The following EPG5 variants were observed in gnomAD, a reference collection of about 807,000 sequenced individuals.
EPG5 encodes ectopic P granules protein 5 homolog.
EPG5 carries 159 observed loss-of-function variants against 302.7 expected under a neutral mutation model. The observed-to-expected ratio is 0.53, with a 90% confidence interval of 0.46 to 0.60. The LOEUF (loss-of-function observed/expected upper bound fraction) is 0.60, where lower values mean the gene tolerates loss of function less well. EPG5 is among the 20% of genes least tolerant of loss of function. The pLI is 0.00. For synonymous variants in EPG5, 1,158 were observed against 1,136.8 expected, an observed-to-expected ratio of 1.02 and a Z score of -0.37; for missense variants, 2,896 against 3,092.4, an observed-to-expected ratio of 0.94 and a Z score of 1.51.
intron 39 of EPG5, among the ~76,000 whole-genome samples, chr18:45,863,728 C>A (rs1484925823): frequency 6.6e-6 from 1 of 152,202 alleles, no homozygotes. Context: ...CACTGTCTTA[C>A]AGATTCTTTT....
intron 17 of EPG5, among the ~76,000 whole-genome samples, chr18:45,917,009 A>C (rs939299880): frequency 1.3e-5 from 2 of 152,206 alleles, no homozygotes; most frequent in Non-Finnish European, 2.9e-5. Flanking sequence ...ATTTCTACTA[A>C]AGTAACATCT....
chr18:45,934,571 A>G (rs2050475015), intron 11 of EPG5, among the ~76,000 whole-genome samples: 1 of 152,264 alleles, frequency 6.6e-6, no homozygotes, highest in African/African-American at 2.4e-5. Flanking sequence ...CCTAAAAGTT[A>G]GAATATTGTG....
At chr18:45,915,016 C>T (rs1003376028) in intron 20 of EPG5, among the ~76,000 whole-genome samples, 3 of 150,468 alleles carry the variant, frequency 2.0e-5, no homozygotes, top group Non-Finnish European at 2.9e-5. Flanking sequence ...CGGTGGCTCA[C>T]ACCTGTAATC....
At chr18:45,839,346 T>C in the EPG5 span, among the ~76,000 whole-genome samples, 2 of 152,170 alleles carry the variant, frequency 1.3e-5, no homozygotes, top group Admixed American at 6.5e-5. Flanking sequence ...CACAGAGATA[T>C]AGAGACCCAG....
At chr18:45,875,891 C>A (rs1384729702) in intron 35 of EPG5, among the ~76,000 whole-genome samples, 1 of 152,014 alleles carries the variant, frequency 6.6e-6, no homozygotes, top group African/African-American at 2.4e-5. Flanking sequence ...CCCGTCTCTA[C>A]TAAAACTACA....
chr18:45,911,513 TG>T lies in EPG5; in HGVS notation c.3984-772del, dbSNP rs1028242494. On this transcript the variant is annotated intron_variant, in intron 22 of 43. Coordinates refer to ENST00000282041, the MANE Select transcript of EPG5 (RefSeq NM_020964.3). ...TTCACCATGTTAGCCAGGATGGTCT[TG>T]ATCTCCTGATCTCATGATCCACCCG... 1.2e-3 allele frequency among the ~76,000 whole-genome samples: 188 copies of T among 152,106 alleles called. 3 individuals carry two copies. Among genetic ancestry groups the T allele is most frequent in the African/African-American group, 4.3e-3 (177 of 41,502 alleles).
At chr18:45,871,302 GA>G (rs2048867081) in intron 35 of EPG5, among the ~76,000 whole-genome samples, 3 of 152,342 alleles carry the variant, frequency 2.0e-5, no homozygotes, top group Non-Finnish European at 4.4e-5. Context: ...AGGATCTGGA[GA>G]GAAAGAAACT....
intron 14 of EPG5, among the ~76,000 whole-genome samples, 200 bp downstream of exon 14, chr18:45,925,538 G>A (rs1334986175): frequency 6.6e-6 from 1 of 152,182 alleles, no homozygotes; most frequent in Non-Finnish European, 1.5e-5. Flanking sequence ...AATTTTCAAT[G>A]TGGAACAATT....
At chr18:45,852,872 C>A (rs1196240470) in intron 43 of EPG5, among the ~76,000 whole-genome samples, 1 of 152,224 alleles carries the variant, frequency 6.6e-6, no homozygotes, top group African/African-American at 2.4e-5. Context: ...CAGCATCCCA[C>A]ACCCAGCCTT....
rs1353067965 is a variant in EPG5 at position 45,910,660 on chromosome 18, A to G, written c.4066T>C (p.Leu1356=). The stretch of plus-strand genomic sequence containing the variant: ...TGGTGGAAGTCAGCCACCTCGGTCA[A>G]ACGTCTCTTCATTTCTTTCAACAAA... The part of the protein sequence containing the change: ...INLLKEMKRR[L]TEVADFHHAA... Residue 1356 remains leucine, a synonymous_variant, in exon 23 of 44, where the codon TTG becomes CTG. Coordinates refer to ENST00000282041, the MANE Select transcript of EPG5 (RefSeq NM_020964.3). 4.3e-6 allele frequency: 7 copies of G among 1,614,082 alleles called. No individual in the cohort carries two copies. Among genetic ancestry groups the G allele is most frequent in the African/African-American group, 1.3e-5 (1 of 74,922 alleles).
At position 45,946,687 on chromosome 18, in the gene EPG5, C is replaced by G; in HGVS notation, c.1653G>C (p.Thr551=). ...CCTCTTCTCCTCCTTCGTCTACTAG[C>G]GTCCAAGTCCCAGACCCAGGCCCTG... ...SSSGPGSGTW[T]LVDEGGEEDE... is the part of the protein sequence containing the mutation. Residue 551 remains threonine, a synonymous_variant, in exon 7 of 44, where the codon ACG becomes ACC. Transcript: ENST00000282041. 4 of 1,614,002 alleles carry G rather than the reference C, an allele frequency of 2.5e-6. No individual in the cohort carries two copies. The highest frequency in any genetic ancestry group is 3.4e-6 in the Non-Finnish European group (4 of 1,179,920).
chr18:45,817,357 T>A, the EPG5 span, among the ~76,000 whole-genome samples: 2 of 152,248 alleles, frequency 1.3e-5, no homozygotes, highest in Non-Finnish European at 2.9e-5. Context: ...GTTTCTTTCC[T>A]TTCTTTTCTC....
At chr18:45,882,186 T>C (rs2049111885) in intron 31 of EPG5, 88 bp downstream of exon 31, 5 of 1,162,920 alleles carry the variant, frequency 4.3e-6, no homozygotes, top group Middle Eastern at 2.9e-4. Context: ...ATTACTTTCA[T>C]ATCTTTGAAT....
intron 16 of EPG5, among the ~76,000 whole-genome samples, chr18:45,920,117 C>T (rs2050122236): frequency 6.6e-6 from 1 of 152,204 alleles, no homozygotes; most frequent in Non-Finnish European, 1.5e-5. Flanking sequence ...TTCCCTTCCT[C>T]TCCCCTTACC....
At chr18:45,878,245 C>A (rs947340365) in intron 34 of EPG5, 131 bp downstream of exon 34, 3 of 626,956 alleles carry the variant, frequency 4.8e-6, no homozygotes, top group South Asian at 1.9e-5. Context: ...TGAAAAGAAG[C>A]CTTTTCTAAA....
rs1046328097 is a variant in EPG5 at position 45,901,196 on chromosome 18, A to G, written c.4475-29T>C. ...AAAGAAAATTAAGTCATATATACTGAGCAATCAGGTGAATTAGCAGGAGAA... is the reference window on the plus strand; with the variant it reads ...AAAGAAAATTAAGTCATATATACTGGGCAATCAGGTGAATTAGCAGGAGAA... On this transcript the variant is annotated intron_variant, in intron 25 of 43. Transcript: ENST00000282041. 3.8e-6 allele frequency: 6 copies of G among 1,592,018 alleles called. No individual in the cohort carries two copies. The Admixed American group carries it at 8.4e-5, about 22-fold the overall frequency.
intron 16 of EPG5, among the ~76,000 whole-genome samples, chr18:45,919,469 CAA>C (rs1269396548): frequency 6.6e-6 from 1 of 150,858 alleles, no homozygotes; most frequent in Non-Finnish European, 1.5e-5. Flanking sequence ...TAACTGCACT[CAA>C]GAGAATCACG....
chr18:45,813,836 C>T, the EPG5 span, among the ~76,000 whole-genome samples: 1 of 151,934 alleles, frequency 6.6e-6, no homozygotes, highest in Non-Finnish European at 1.5e-5. Context: ...ATGGGTGCAG[C>T]ACACCAACAT....
At chr18:45,925,395 C>A (rs2050245567) in intron 14 of EPG5, among the ~76,000 whole-genome samples, 1 of 152,136 alleles carries the variant, frequency 6.6e-6, no homozygotes, top group East Asian at 1.9e-4. Flanking sequence ...ATTGCTTGAA[C>A]CTGGGAGGAG....
Sources: gnomAD v4.1 joint callset for allele counts (sites outside exome capture counted in the v4.1 genomes callset) on GRCh38, gnomAD v4.1.1 for gene constraint, MANE v1.5 for transcripts, NCBI Gene and HGNC (gene_info 2026-07-23, HGNC 2026-07-21) for gene names.